Variants in CMIP observed in about 807,000 individuals in gnomAD.
CMIP encodes the protein c-Maf inducing protein.
CMIP carries 13 observed loss-of-function variants against 97.3 expected under a neutral mutation model. That is an observed-to-expected ratio of 0.13 (90% CI 0.09 to 0.21). The LOEUF is 0.21. Ranked by LOEUF, CMIP falls within the 10% of genes least tolerant of loss-of-function variation. CMIP has a pLI of 1.00. For synonymous variants in CMIP, 538 were observed against 436.3 expected, an observed-to-expected ratio of 1.23 and a Z score of -2.91; for missense variants, 847 against 1,024.9, an observed-to-expected ratio of 0.83 and a Z score of 2.37.
rs60515454 is a variant in CMIP at position 81,655,618 on chromosome 16, C to T, written c.640-2157C>T. ...GGACAAAGGAAATGATGTCCGTGGT[C>T]GCCAAAGCCTTCCTGGAAAGGTGCG... On this transcript the variant is annotated intron_variant, in intron 4 of 20. Transcript: ENST00000537098. This position sits in a 1 kb window ranked among gnomAD's most constrained non-coding sequence, Gnocchi z 4.9. Among the ~76,000 whole-genome samples the T allele has an allele frequency of 0.024, 3,620 of 152,144 alleles. 129 individuals carry two copies. The highest frequency in any genetic ancestry group is 0.082 in the African/African-American group (3,406 of 41,468).
At chr16:81,579,064 G>A (rs1478027608) in intron 1 of CMIP, among the ~76,000 whole-genome samples, 5 of 152,276 alleles carry the variant, frequency 3.3e-5, no homozygotes, top group Non-Finnish European at 5.9e-5. Context: ...ATAGAATCTC[G>A]GATTCAGATA....
At position 81,652,994 on chromosome 16, in the gene CMIP, G is replaced by C. The variant is rs1162409601; in HGVS notation, c.639+630G>C. Among the ~76,000 whole-genome samples the C allele has an allele frequency of 2.0e-5, 3 of 152,200 alleles. No individual in the cohort carries two copies. The highest frequency in any genetic ancestry group is 7.2e-5 in the African/African-American group (3 of 41,446). The stretch of plus-strand genomic sequence containing the variant: ...CCCTGGAGCTTGTGTCCCGGCAGGG[G>C]AGACAGGCAGTGAACAATGAAACTC... On this transcript the variant is annotated intron_variant, in intron 4 of 20. Coordinates refer to ENST00000537098, the MANE Select transcript of CMIP (RefSeq NM_198390.3). The surrounding 1 kb of genome is among the most constrained non-coding windows in gnomAD (Gnocchi z 5.2).
chr16:81,676,742 C>G (rs1298002051), intron 9 of CMIP, among the ~76,000 whole-genome samples: 1 of 152,180 alleles, frequency 6.6e-6, no homozygotes, highest in Non-Finnish European at 1.5e-5. Context: ...ACATTCAGAC[C>G]CTTGCTGTGC....
At chr16:81,514,718 T>G (rs999583770) in intron 1 of CMIP, among the ~76,000 whole-genome samples, 1 of 152,136 alleles carries the variant, frequency 6.6e-6, no homozygotes, top group Non-Finnish European at 1.5e-5. Flanking sequence ...TTTCCAGACT[T>G]CTCTGTGCCT....
At chr16:81,676,262 A>G (rs924700172) in intron 9 of CMIP, among the ~76,000 whole-genome samples, 2 of 152,140 alleles carry the variant, frequency 1.3e-5, no homozygotes, top group African/African-American at 4.8e-5. Flanking sequence ...GATATCACCC[A>G]GAGAAGCACG....
intron 1 of CMIP, among the ~76,000 whole-genome samples, chr16:81,540,055 A>G (rs2090419994): frequency 6.6e-6 from 1 of 152,200 alleles, no homozygotes; most frequent in Non-Finnish European, 1.5e-5. Context: ...TCTAATTTGC[A>G]CAGTAATCTC....
At chr16:81,543,443 C>T (rs2090485807) in intron 1 of CMIP, among the ~76,000 whole-genome samples, 1 of 152,180 alleles carries the variant, frequency 6.6e-6, no homozygotes. Context: ...AAGTTCAGGG[C>T]CGCCCAGGGC....
At chr16:81,576,471 T>C (rs543798648) in intron 1 of CMIP, among the ~76,000 whole-genome samples, 1 of 152,038 alleles carries the variant, frequency 6.6e-6, no homozygotes, top group African/African-American at 2.4e-5. Context: ...AGAGACTTAT[T>C]ATCACATCAG....
intron 1 of CMIP, among the ~76,000 whole-genome samples, chr16:81,477,676 C>G (rs1055430841): frequency 2.0e-5 from 3 of 152,214 alleles, no homozygotes; most frequent in African/African-American, 7.2e-5. Context: ...TTTGTTTTCT[C>G]TCGTATAAAG....
At chr16:81,637,172 G>C (rs950373710) in intron 3 of CMIP, among the ~76,000 whole-genome samples, 3 of 152,188 alleles carry the variant, frequency 2.0e-5, no homozygotes, top group Non-Finnish European at 4.4e-5. Context: ...CTGGGTTCAA[G>C]CATTTCTCCT....
intron 3 of CMIP, among the ~76,000 whole-genome samples, chr16:81,649,559 G>A (rs2151002176): frequency 6.6e-6 from 1 of 152,356 alleles, no homozygotes; most frequent in Non-Finnish European, 1.5e-5. Context: ...AATATTAATG[G>A]TGGCTATTTC....
At chr16:81,554,010 C>G (rs1284480497) in intron 1 of CMIP, among the ~76,000 whole-genome samples, 3 of 152,236 alleles carry the variant, frequency 2.0e-5, no homozygotes, top group Non-Finnish European at 4.4e-5. Flanking sequence ...GAATCAAATA[C>G]TCAACAGGAA....
At chr16:81,483,013 C>T (rs2089252787) in intron 1 of CMIP, among the ~76,000 whole-genome samples, 1 of 152,236 alleles carries the variant, frequency 6.6e-6, no homozygotes, top group Non-Finnish European at 1.5e-5. Context: ...TTGGAGCCCC[C>T]ATTCTACTGG....
At chr16:81,471,443 C>T (rs1907543523) in intron 1 of CMIP, among the ~76,000 whole-genome samples, 1 of 152,158 alleles carries the variant, frequency 6.6e-6, no homozygotes, top group Non-Finnish European at 1.5e-5. Context: ...TACATTTGTA[C>T]ATGCATATGT....
rs181063534 is a variant in CMIP at position 81,546,070 on chromosome 16, G to T, written c.301-61497G>T. The stretch of plus-strand genomic sequence containing the variant: ...TTGGAGAACATCACAGCCAGCAGTC[G>T]AGGATGAAAGGCATTTGATTTATAA... On this transcript the variant is annotated intron_variant, in intron 1 of 20. Transcript: ENST00000537098. 2.9e-3 allele frequency among the ~76,000 whole-genome samples: 449 copies of T among 152,294 alleles called. 2 individuals carry two copies. The highest frequency in any genetic ancestry group is 0.01 in the African/African-American group (432 of 41,552).
chr16:81,596,684 C>T (rs767059487), intron 1 of CMIP, among the ~76,000 whole-genome samples: 10 of 152,104 alleles, frequency 6.6e-5, no homozygotes, highest in East Asian at 1.9e-4. Flanking sequence ...CTTTTTCCAG[C>T]GCCATCCCTC....
chr16:81,644,692 C>G (rs2092343821), intron 3 of CMIP, among the ~76,000 whole-genome samples: 1 of 152,200 alleles, frequency 6.6e-6, no homozygotes, highest in Admixed American at 6.5e-5. Flanking sequence ...CATCTGCAGC[C>G]ATAGTGAGTC....
In CMIP at chr16:81,545,391, G is replaced by C. The variant is rs139743428; in HGVS notation, c.301-62176G>C. Among the ~76,000 whole-genome samples, 3 of 152,334 alleles carry C rather than the reference G, an allele frequency of 2.0e-5. No individual in the cohort carries two copies. The East Asian group carries it at 5.8e-4, about 29-fold the overall frequency. On this transcript the variant is annotated intron_variant, in intron 1 of 20. Coordinates refer to ENST00000537098, the MANE Select transcript of CMIP (RefSeq NM_198390.3). ...TCGCAGTGAAGGAGCAGAAGCTTAG[G>C]TTCTGTACTAAGATGATGCTTATAT...
At chr16:81,635,083 T>C (rs768061141) in intron 3 of CMIP, among the ~76,000 whole-genome samples, 35 of 152,234 alleles carry the variant, frequency 2.3e-4, no homozygotes, top group Admixed American at 2.0e-4. Flanking sequence ...AAGAGCAGGC[T>C]CTGGTACAGT....
Sources: gnomAD v4.1 joint callset for allele counts (sites outside exome capture counted in the v4.1 genomes callset) on GRCh38, gnomAD v4.1.1 for gene constraint, Gnocchi (gnomAD v3.1) non-coding constraint, MANE v1.5 for transcripts, NCBI Gene and HGNC (gene_info 2026-07-23, HGNC 2026-07-21) for gene names.